The following CNTNAP2 variants were observed in gnomAD, a reference collection of about 807,000 sequenced individuals.
CNTNAP2 encodes the protein contactin-associated protein-like 2.
Under a neutral mutation model 155.2 loss-of-function variants are expected in CNTNAP2, and 98 were observed. The ratio of observed to expected loss-of-function variants is 0.63; its 90% CI spans 0.54 to 0.75. The LOEUF (loss-of-function observed/expected upper bound fraction) is 0.75, where lower values mean the gene tolerates loss of function less well. Ranked by LOEUF, CNTNAP2 falls within the 30% of genes least tolerant of loss-of-function variation. The pLI is 0.00. For synonymous variants in CNTNAP2, 651 were observed against 631.2 expected (o/e 1.03, Z -0.47); for missense variants, 1,727 against 1,688.1 (o/e 1.02, Z -0.40).
At chr7:147,600,055 A>C (rs868549722) in intron 12 of CNTNAP2, among the ~76,000 whole-genome samples, 12 of 152,220 alleles carry the variant, frequency 7.9e-5, no homozygotes, top group South Asian at 2.1e-4. Context: ...ACAAGAAATG[A>C]CAAATGGTTG....
At chr7:147,329,476 T>C (rs1563162996) in intron 9 of CNTNAP2, among the ~76,000 whole-genome samples, 1 of 152,162 alleles carries the variant, frequency 6.6e-6, no homozygotes, top group Non-Finnish European at 1.5e-5. Context: ...AAGGCTGCTT[T>C]ATTTTAAGAA....
At chr7:147,589,034 A>T (rs1396684580) in intron 12 of CNTNAP2, among the ~76,000 whole-genome samples, 1 of 152,200 alleles carries the variant, frequency 6.6e-6, no homozygotes, top group Non-Finnish European at 1.5e-5. Flanking sequence ...AAAATCTAAC[A>T]TTTTAAATGA....
At chr7:147,407,332 G>T (rs1380853296) in intron 10 of CNTNAP2, among the ~76,000 whole-genome samples, 1 of 151,672 alleles carries the variant, frequency 6.6e-6, no homozygotes, top group Non-Finnish European at 1.5e-5. Flanking sequence ...GCCGGGCGTG[G>T]TGGCGGGCGC....
chr7:147,662,882 T>A (rs1795636350), intron 13 of CNTNAP2, among the ~76,000 whole-genome samples: 1 of 152,214 alleles, frequency 6.6e-6, no homozygotes, highest in Non-Finnish European at 1.5e-5. Context: ...ACTCCAATTT[T>A]TTTATTGTAT....
intron 13 of CNTNAP2, among the ~76,000 whole-genome samples, chr7:147,722,815 A>G (rs1796585003): frequency 6.6e-6 from 1 of 152,066 alleles, no homozygotes; most frequent in Non-Finnish European, 1.5e-5. Flanking sequence ...AGGTCATTTC[A>G]TCTCTCTGGG....
chr7:146,809,250 T>G (rs1803021757), intron 2 of CNTNAP2, among the ~76,000 whole-genome samples: 1 of 152,238 alleles, frequency 6.6e-6, no homozygotes, highest in Admixed American at 6.5e-5. Flanking sequence ...TGTCTTTTGA[T>G]AATAGCCATT....
At chr7:147,102,587 C>T (rs1158551912) in intron 4 of CNTNAP2, among the ~76,000 whole-genome samples, 3 of 152,136 alleles carry the variant, frequency 2.0e-5, no homozygotes, top group Non-Finnish European at 2.9e-5. Context: ...AGATGCTGGC[C>T]TTCAGGAAAG....
At chr7:148,027,549 T>C (rs1351643755) in intron 15 of CNTNAP2, among the ~76,000 whole-genome samples, 1 of 152,146 alleles carries the variant, frequency 6.6e-6, no homozygotes, top group African/African-American at 2.4e-5. Context: ...TTTTCCTACT[T>C]GTCAAATGAA....
intron 8 of CNTNAP2, among the ~76,000 whole-genome samples, chr7:147,212,280 A>T (rs1394591984): frequency 1.3e-5 from 2 of 152,178 alleles, no homozygotes; most frequent in African/African-American, 2.4e-5. Flanking sequence ...TTACCAAAAG[A>T]TACATGCACT....
intron 13 of CNTNAP2, among the ~76,000 whole-genome samples, chr7:147,796,078 C>T (rs78336621): frequency 0.044 from 6,736 of 152,114 alleles, 191 homozygotes; most frequent in Non-Finnish European, 0.058. Context: ...GTGTAAGAGA[C>T]CATGATTTGA....
chr7:146,321,549 C>A (rs1235944319), intron 1 of CNTNAP2, among the ~76,000 whole-genome samples: 1 of 152,122 alleles, frequency 6.6e-6, no homozygotes, highest in Non-Finnish European at 1.5e-5. Context: ...TCCTAACAGA[C>A]CCCTTGGATT....
intron 1 of CNTNAP2, among the ~76,000 whole-genome samples, chr7:146,362,918 G>C (rs1188631753): frequency 1.3e-5 from 2 of 151,882 alleles, no homozygotes; most frequent in African/African-American, 4.8e-5. Context: ...CTACAGGCGT[G>C]TGCCACCACG....
At chr7:146,799,889 TA>T (rs1486745885) in intron 2 of CNTNAP2, among the ~76,000 whole-genome samples, 1 of 152,186 alleles carries the variant, frequency 6.6e-6, no homozygotes, top group East Asian at 1.9e-4. Context: ...TAATAGTGTA[TA>T]AAATTTAGTA....
chr7:146,730,176 G>A (rs778325891), intron 1 of CNTNAP2, among the ~76,000 whole-genome samples: 3 of 152,136 alleles, frequency 2.0e-5, no homozygotes, highest in Non-Finnish European at 4.4e-5. Context: ...AGACTTTGAT[G>A]ATGAAAATAA....
chr7:146,240,539 AATG>A (rs1233761779), intron 1 of CNTNAP2, among the ~76,000 whole-genome samples: 12 of 151,522 alleles, frequency 7.9e-5, no homozygotes, highest in African/African-American at 2.2e-4. Context: ...TTTATATATA[AATG>A]ATAATAATAA....
chr7:147,638,755 T>G (rs1795223960), intron 12 of CNTNAP2: 2 of 417,594 alleles, frequency 4.8e-6, no homozygotes, highest in South Asian at 2.0e-5. Context: ...AGAGGAATGA[T>G]GGATGACAAA....
chr7:146,485,017 GA>G (rs1186838539), intron 1 of CNTNAP2, among the ~76,000 whole-genome samples: 2 of 152,154 alleles, frequency 1.3e-5, no homozygotes, highest in East Asian at 3.9e-4. Context: ...TGTTATGTAC[GA>G]AAAAGAGCAA....
chr7:148,417,445 A>G lies in CNTNAP2; in HGVS notation c.*1829A>G, dbSNP rs1170757179. 6.6e-6 allele frequency: 1 copy of G among 152,658 alleles called. No individual in the cohort carries two copies. Among genetic ancestry groups the G allele is most frequent in the Non-Finnish European group, 1.5e-5 (1 of 68,056 alleles). The allele number at this position is 152,658 out of a possible 1,614,324, so 9.5% of individuals were successfully genotyped here. On this transcript the variant is annotated 3_prime_UTR_variant, in exon 24 of 24. Coordinates refer to ENST00000361727, the MANE Select transcript of CNTNAP2 (RefSeq NM_014141.6). ...AAGGGAATCCTGATGCCCTTTTACC[A>G]TTGCTGGTTGAGCTCAGGCACTGTC...
intron 1 of CNTNAP2, among the ~76,000 whole-genome samples, chr7:146,449,623 C>T (rs1417395619): frequency 6.6e-6 from 1 of 151,968 alleles, no homozygotes; most frequent in Non-Finnish European, 1.5e-5. Flanking sequence ...CCTAGCTAGC[C>T]CTTTGATATC....
Sources: gnomAD v4.1 joint callset for allele counts (sites outside exome capture counted in the v4.1 genomes callset) on GRCh38, gnomAD v4.1.1 for gene constraint, MANE v1.5 for transcripts, NCBI Gene and HGNC (gene_info 2026-07-23, HGNC 2026-07-21) for gene names.